SAXO1: variants seen among roughly 807,000 people sequenced by gnomAD.
SAXO1 encodes stabilizer of axonemal microtubules 1, also known as 4930500O09Rik.
Under a neutral mutation model 17.5 loss-of-function variants are expected in SAXO1, and 21 were observed. The observed-to-expected ratio is 1.20, with a 90% confidence interval of 0.85 to 1.72. The LOEUF is 1.72. Among genes scored for constraint, SAXO1 ranks in the 40% most tolerant of loss-of-function variants. The pLI, the probability that SAXO1 is intolerant of heterozygous loss-of-function variation, is 0.00. For synonymous variants in SAXO1, 274 were observed against 216.5 expected, an observed-to-expected ratio of 1.27 and a Z score of -2.33; for missense variants, 843 against 596.0, an observed-to-expected ratio of 1.41 and a Z score of -4.32.
intron 1 of SAXO1, among the ~76,000 whole-genome samples, chr9:19,015,008 A>G (rs981286428): frequency 1.3e-5 from 2 of 152,164 alleles, no homozygotes; most frequent in African/African-American, 4.8e-5. Context: ...TGTAAGGCAA[A>G]TCAGAGCTAA....
intron 1 of SAXO1, among the ~76,000 whole-genome samples, chr9:19,040,873 C>A (rs1836063070): frequency 6.6e-6 from 1 of 151,376 alleles, no homozygotes; most frequent in African/African-American, 2.4e-5. Context: ...GGTAACAGAA[C>A]TATATACTTA....
At chr9:18,953,842 C>A (rs1408670384) in intron 1 of SAXO1, among the ~76,000 whole-genome samples, 1 of 152,174 alleles carries the variant, frequency 6.6e-6, no homozygotes, top group Non-Finnish European at 1.5e-5. Context: ...TAGAAGTTAT[C>A]AAGGAACAGA....
rs141351520 is a variant in SAXO1, at chr9:19,032,622, G to A, written c.38+249C>T. Among the ~76,000 whole-genome samples, 99 of 152,270 alleles carry A rather than the reference G, an allele frequency of 6.5e-4. 1 individual carries two copies. The South Asian group carries it at 6.8e-3, about 11-fold the overall frequency. ...AAGGGAGTGCAGACTGCGCGGTCACGCCCATTTTCAACCCTCCTGCAGTTC... is the reference window on the plus strand; with the variant it reads ...AAGGGAGTGCAGACTGCGCGGTCACACCCATTTTCAACCCTCCTGCAGTTC... On this transcript the variant is annotated intron_variant, in intron 1 of 3. Coordinates refer to ENST00000380534, the MANE Select transcript of SAXO1 (RefSeq NM_153707.4).
intron 1 of SAXO1, among the ~76,000 whole-genome samples, chr9:18,980,351 T>C (rs1460888319): frequency 1.3e-5 from 2 of 151,928 alleles, no homozygotes; most frequent in East Asian, 3.9e-4. Context: ...TATATGGCTG[T>C]GGTAGGTCAT....
intron 1 of SAXO1, among the ~76,000 whole-genome samples, chr9:19,020,021 T>C (rs1409967682): frequency 9.0e-6 from 1 of 111,554 alleles, no homozygotes; most frequent in African/African-American, 3.0e-5. Flanking sequence ...GCAGGTATTA[T>C]TAAAAAAAAA....
chr9:19,008,455 A>G (rs1834579441), intron 1 of SAXO1, among the ~76,000 whole-genome samples: 1 of 152,192 alleles, frequency 6.6e-6, no homozygotes, highest in Non-Finnish European at 1.5e-5. Context: ...TTACTTTCAC[A>G]AATCAAAATG....
intron 1 of SAXO1, among the ~76,000 whole-genome samples, chr9:19,025,476 G>A (rs757096277): frequency 2.6e-5 from 4 of 152,024 alleles, no homozygotes; most frequent in East Asian, 1.9e-4. Flanking sequence ...AAAATAACAA[G>A]TTCCTCCCTG....
intron 1 of SAXO1, among the ~76,000 whole-genome samples, chr9:18,967,748 G>C (rs1178483376): frequency 6.6e-6 from 1 of 152,000 alleles, no homozygotes; most frequent in Non-Finnish European, 1.5e-5. Context: ...TTCCACGGGA[G>C]TGAATGATTC....
At chr9:19,033,697 A>G (rs1042640988), upstream of SAXO1, among the ~76,000 whole-genome samples, 2 of 152,198 alleles carry the variant, frequency 1.3e-5, no homozygotes, top group African/African-American at 4.8e-5. Flanking sequence ...TGGGTTCTCA[A>G]TCACTTCTCC....
chr9:19,028,872 A>G (rs1479532294), intron 1 of SAXO1, among the ~76,000 whole-genome samples: 2 of 152,238 alleles, frequency 1.3e-5, no homozygotes, highest in African/African-American at 4.8e-5. Flanking sequence ...TGAAAGGCGT[A>G]CCACTTTCCT....
intron 3 of SAXO1, among the ~76,000 whole-genome samples, chr9:18,936,100 T>C (rs1424881978): frequency 3.3e-5 from 5 of 152,162 alleles, no homozygotes; most frequent in Non-Finnish European, 7.3e-5. Flanking sequence ...AGTTTTGTCA[T>C]TGCTTTTTGG....
rs1451628922 is a variant in SAXO1 at position 18,940,917 on chromosome 9, CTAATT to C, written c.421+715_421+719del. Among the ~76,000 whole-genome samples the C allele has an allele frequency of 2.0e-5, 3 of 152,114 alleles. No individual in the cohort carries two copies. In the East Asian group the frequency reaches 5.8e-4, roughly 29 times the overall value. ...TATATAAAGTTCAAAACTGGCGAAACTAATTTAAAGTATTAAAGGTTAAAATAATG... is the reference window on the plus strand; with the variant it reads ...TATATAAAGTTCAAAACTGGCGAAACTAAAGTATTAAAGGTTAAAATAATG... On this transcript the variant is annotated intron_variant, in intron 3 of 3. Coordinates refer to ENST00000380534, the MANE Select transcript of SAXO1 (RefSeq NM_153707.4).
intron 1 of SAXO1, among the ~76,000 whole-genome samples, chr9:19,030,660 C>G (rs944123502): frequency 1.3e-5 from 2 of 151,066 alleles, no homozygotes; most frequent in African/African-American, 4.9e-5. Context: ...GAGCAGAGAT[C>G]GCGCCACTGC....
chr9:19,035,902 AG>A (rs1835922031), upstream of SAXO1, among the ~76,000 whole-genome samples: 1 of 152,204 alleles, frequency 6.6e-6, no homozygotes, highest in African/African-American at 2.4e-5. Flanking sequence ...GTGCTGTTAA[AG>A]GCATTCAGTT....
In SAXO1 at chr9:18,927,977, T is replaced by C; in HGVS notation, c.*75A>G. On this transcript the variant is annotated 3_prime_UTR_variant, in exon 4 of 4. Transcript: ENST00000380534. ...TTTTTTGTCATTTTAGGGAATTCTT[T>C]TTTGTCCAACAAATAATTCTCAGTT... 1 of 1,444,468 alleles carries C rather than the reference T, an allele frequency of 6.9e-7. No individual in the cohort carries two copies. Among genetic ancestry groups the C allele is most frequent in the Non-Finnish European group, 9.2e-7 (1 of 1,087,254 alleles). 89.5% of individuals were successfully genotyped at this position (1,444,468 alleles called of 1,614,324 possible).
Position 18,928,618 on chromosome 9 carries a change from A to G in SAXO1, c.859T>C (p.Phe287Leu), listed in dbSNP as rs1408508590. The G allele has an allele frequency of 1.9e-6, 3 of 1,613,974 alleles. No individual in the cohort carries two copies. The highest frequency in any genetic ancestry group is 2.7e-5 in the African/African-American group (2 of 74,894). Residue 287 changes from phenylalanine (F) to leucine (L), a missense_variant, in exon 4 of 4, where the codon TTC becomes CTC. Transcript: ENST00000380534. The stretch of plus-strand genomic sequence containing the variant: ...ACGTAGGTGATGGGAGCTTTGGAGA[A>G]CATCCGGGGCATTGGCCAAGCTTGG... ...KYQAWPMPRM[F>L]SKAPITYVPP...
chr9:19,039,892 C>A (rs949141536), intron 1 of SAXO1, among the ~76,000 whole-genome samples: 1 of 152,108 alleles, frequency 6.6e-6, no homozygotes, highest in African/African-American at 2.4e-5. Flanking sequence ...CCACACCCAG[C>A]TAATTTTTGT....
At chr9:18,946,485 C>T (rs1554669133) in intron 2 of SAXO1, among the ~76,000 whole-genome samples, 2 of 151,928 alleles carry the variant, frequency 1.3e-5, no homozygotes, top group Non-Finnish European at 1.5e-5. Flanking sequence ...TGAGCGGCCA[C>T]CCAAGACACA....
chr9:19,036,423 G>C (rs1471984279), upstream of SAXO1, among the ~76,000 whole-genome samples: 1 of 152,114 alleles, frequency 6.6e-6, no homozygotes, highest in Admixed American at 6.5e-5. Context: ...CTTCACAGCA[G>C]CCCCTCCCAT....
Sources: gnomAD v4.1 joint callset for allele counts (sites outside exome capture counted in the v4.1 genomes callset) on GRCh38, gnomAD v4.1.1 for gene constraint, MANE v1.5 for transcripts, NCBI Gene and HGNC (gene_info 2026-07-23, HGNC 2026-07-21) for gene names.